The following PAXBP1 variants were observed in gnomAD, a reference collection of about 807,000 sequenced individuals.
PAXBP1 encodes PAX3- and PAX7-binding protein 1.
PAXBP1 carries 44 observed loss-of-function variants against 119.9 expected under a neutral mutation model. The observed-to-expected ratio is 0.37, with a 90% CI of 0.29 to 0.47. The LOEUF is 0.47. Ranked by LOEUF, PAXBP1 falls within the 20% of genes least tolerant of loss-of-function variation. The pLI, the probability that PAXBP1 is intolerant of heterozygous loss-of-function variation, is 0.99. For synonymous variants in PAXBP1, 393 were observed against 406.6 expected (o/e 0.97, Z 0.40); for missense variants, 898 against 1,134.1 (o/e 0.79, Z 2.99).
chr21:32,758,736 A>T (rs2044085423), intron 7 of PAXBP1, among the ~76,000 whole-genome samples: 2 of 152,060 alleles, frequency 1.3e-5, no homozygotes, highest in South Asian at 4.1e-4. Flanking sequence ...ATAAGTTTAA[A>T]CCTGAACCAG....
At chr21:32,767,145 C>G (rs528139192) in intron 2 of PAXBP1, among the ~76,000 whole-genome samples, 1 of 152,294 alleles carries the variant, frequency 6.6e-6, no homozygotes, top group African/African-American at 2.4e-5. Flanking sequence ...ACTACTTCCA[C>G]TCAAATTCAA....
intron 7 of PAXBP1, chr21:32,756,694 A>G (rs536102543): frequency 4.3e-6 from 1 of 235,146 alleles, no homozygotes; most frequent in African/African-American, 2.4e-5. Flanking sequence ...AGTACTAAAG[A>G]TAAATGAGCC....
At chr21:32,763,845 G>A (rs554345210) in intron 3 of PAXBP1, among the ~76,000 whole-genome samples, 1 of 152,170 alleles carries the variant, frequency 6.6e-6, no homozygotes, top group South Asian at 2.1e-4. Flanking sequence ...AATCAGCTGG[G>A]TATGGTGGTG....
chr21:32,768,017 T>C (rs2044272378), intron 2 of PAXBP1, among the ~76,000 whole-genome samples: 1 of 152,222 alleles, frequency 6.6e-6, no homozygotes, highest in South Asian at 2.1e-4. Flanking sequence ...TATTCCTATA[T>C]ATAATTATTC....
At chr21:32,760,119 G>A (rs1231803117) in intron 5 of PAXBP1, 125 bp from the exon 6 acceptor site, 1 of 695,578 alleles carries the variant, frequency 1.4e-6, no homozygotes, top group Non-Finnish European at 2.4e-6. Context: ...TGTAATAATT[G>A]CAGAATTCTT....
chr21:32,760,481 A>C (rs1473043812), intron 5 of PAXBP1, among the ~76,000 whole-genome samples: 1 of 152,232 alleles, frequency 6.6e-6, no homozygotes, highest in Non-Finnish European at 1.5e-5. Context: ...ACTTTTATAA[A>C]ACAAATTGTT....
At position 32,759,869 on chromosome 21, in the gene PAXBP1, A is replaced by G. The variant is rs910177844; in HGVS notation, c.1101T>C (p.Ser367=). Residue 367 remains serine (S), a synonymous_variant, in exon 6 of 18, where the codon TCT becomes TCC. Coordinates refer to ENST00000331923, the MANE Select transcript of PAXBP1 (RefSeq NM_016631.4). ...AAGGGACTGTATTATCTGTTTTTTG[A>G]GATTTGGCATCTGATGATCCATAGG... The part of the protein sequence containing the change: ...YTAYGSSDAK[S]QKTDNTVPFK... The G allele has an allele frequency of 2.5e-6, 4 of 1,613,964 alleles. No individual in the cohort carries two copies. In the Admixed American group the frequency reaches 5.0e-5, roughly 20 times the overall value.
At position 32,771,556 on chromosome 21, in the gene PAXBP1, G is replaced by T; in HGVS notation, c.113C>A (p.Thr38Lys). 7.1e-7 allele frequency: 1 copy of T among 1,414,574 alleles called. No individual in the cohort carries two copies. The highest frequency in any genetic ancestry group is 9.2e-7 in the Non-Finnish European group (1 of 1,087,174). 87.6% of individuals were successfully genotyped at this position (1,414,574 alleles called of 1,614,324 possible). Reference sequence around the variant, plus strand: ...GCCACCGGGGCCCGCCTCTTCGCCCGTGCCCGGCGGCGGCAACAACGGCGG... The same window carrying T: ...GCCACCGGGGCCCGCCTCTTCGCCCTTGCCCGGCGGCGGCAACAACGGCGG... ...EPPPLLPPPGTGEEAGPGGGD... is the reference protein window; with the variant it reads ...EPPPLLPPPGKGEEAGPGGGD... The change falls in exon 1 of 18, where the codon ACG (threonine) becomes AAG (lysine). Residue 38 changes from threonine to lysine, a missense_variant. Transcript: ENST00000331923.
At position 32,762,082 on chromosome 21, in the gene PAXBP1, T is replaced by C. The variant is rs1457645024; in HGVS notation, c.871+14A>G. 1 of 1,613,694 alleles carries C rather than the reference T, an allele frequency of 6.2e-7. No homozygotes were observed. The highest frequency in any genetic ancestry group is 1.3e-5 in the African/African-American group (1 of 74,868). The stretch of plus-strand genomic sequence containing the variant: ...GCAATGCAATAGGCTTACTATTCAA[T>C]TAAATCAAGTTACCTATTTCCTCAG... On this transcript the variant is annotated intron_variant, in intron 4 of 17. Coordinates refer to ENST00000331923, the MANE Select transcript of PAXBP1 (RefSeq NM_016631.4).
chr21:32,743,466 A>T (rs1008228551), intron 14 of PAXBP1, 152 bp from the exon 15 acceptor site: 6 of 702,598 alleles, frequency 8.5e-6, no homozygotes, highest in African/African-American at 7.3e-5. Context: ...GTATGTTAAA[A>T]AGGCAATGGA....
At chr21:32,760,902 C>CGTGT (rs1175775718) in intron 5 of PAXBP1, among the ~76,000 whole-genome samples, 157 bp downstream of exon 5, 25 of 127,698 alleles carry the variant, frequency 2.0e-4, no homozygotes, top group African/African-American at 4.7e-4. Flanking sequence ...TGCGTGCGTG[C>CGTGT]GTGTGTGTGT....
Position 32,764,427 on chromosome 21 carries a change from T to A in PAXBP1, c.570A>T (p.Glu190Asp). ...SEHGEDEMDM[E>D]SEKEEEKPKT... Reference sequence around the variant, plus strand: ...TTGGCTTTTCTTCCTCTTTTTCACTTTCCATATCCATTTCATCTTCACCAT... The same window carrying A: ...TTGGCTTTTCTTCCTCTTTTTCACTATCCATATCCATTTCATCTTCACCAT... Residue 190 changes from glutamate (E) to aspartate (D), a missense_variant, in exon 3 of 18, where the codon GAA (glutamate) becomes GAT (aspartate). Glu to Asp is a conservative substitution (Grantham distance 45, BLOSUM62 2). Around this residue, in one of 2 missense-constraint regions of PAXBP1, gnomAD observed 299 missense variants for 281.4 expected, o/e 1.06. Coordinates refer to ENST00000331923, the MANE Select transcript of PAXBP1 (RefSeq NM_016631.4). 2 of 1,613,892 alleles carry A rather than the reference T, an allele frequency of 1.2e-6. No individual in the cohort carries two copies. Among genetic ancestry groups the A allele is most frequent in the Non-Finnish European group, 1.7e-6 (2 of 1,179,894 alleles).
At position 32,750,926 on chromosome 21, in the gene PAXBP1, G is replaced by C; in HGVS notation, c.1714C>G (p.Leu572Val). ...ETSTDITNFN[L>V]EKDRISKESG... ...CAAATAAATGTCTAACCTTTTTCCA[G>C]ATTGAAATTAGTAATATCTGTAGAA... The change falls in exon 10 of 18, where the codon CTG (leucine) becomes GTG (valine). Residue 572 changes from leucine to valine, a missense_variant. By Grantham distance (32) the Leu-to-Val change is conservative. Coordinates refer to ENST00000331923, the MANE Select transcript of PAXBP1 (RefSeq NM_016631.4). The C allele has an allele frequency of 6.2e-7, 1 of 1,608,080 alleles. No individual in the cohort carries two copies. The highest frequency in any genetic ancestry group is 8.5e-7 in the Non-Finnish European group (1 of 1,177,044).
chr21:32,761,706 G>A (rs1219320248), intron 4 of PAXBP1, among the ~76,000 whole-genome samples: 1 of 151,242 alleles, frequency 6.6e-6, no homozygotes, highest in Non-Finnish European at 1.5e-5. Context: ...CAGCACTTTG[G>A]GAGGCTGAGG....
chr21:32,737,079 T>A (rs564083427), intron 17 of PAXBP1, among the ~76,000 whole-genome samples, 175 bp downstream of exon 17: 1 of 152,138 alleles, frequency 6.6e-6, no homozygotes, highest in Non-Finnish European at 1.5e-5. Context: ...AATAACATAC[T>A]GAAAAAAAGT....
intron 11 of PAXBP1, among the ~76,000 whole-genome samples, chr21:32,747,083 G>C (rs925532608): frequency 1.3e-5 from 2 of 151,640 alleles, no homozygotes; most frequent in African/African-American, 2.4e-5. Context: ...GCCTGTTGGG[G>C]GGTGGGGGTG....
At chr21:32,745,935 C>T (rs979101551) in intron 11 of PAXBP1, among the ~76,000 whole-genome samples, 2 of 152,144 alleles carry the variant, frequency 1.3e-5, no homozygotes, top group South Asian at 4.1e-4. Context: ...ACCAATGGAA[C>T]AGAATAGAGA....
chr21:32,769,679 C>G, intron 2 of PAXBP1, 135 bp downstream of exon 2: 1 of 755,182 alleles, frequency 1.3e-6, no homozygotes, highest in Non-Finnish European at 2.1e-6. Flanking sequence ...AATAACAGAA[C>G]TGTACTGCTA....
chr21:32,738,202 C>T lies in PAXBP1; in HGVS notation c.2452G>A (p.Gly818Arg). 6.3e-7 allele frequency: 1 copy of T among 1,595,978 alleles called. No individual in the cohort carries two copies. Among genetic ancestry groups the T allele is most frequent in the Non-Finnish European group, 8.5e-7 (1 of 1,174,914 alleles). ...ILMAFQNSEY[G>R]DDSIKKAQNV... is the part of the protein sequence containing the mutation. The stretch of plus-strand genomic sequence containing the variant: ...TGGGCTTTTTTGATGCTGTCATCTC[C>T]ATATTCTGAATTCTGAAAAGCCATG... The change falls in exon 16 of 18, where the codon GGA becomes AGA. Residue 818 changes from glycine to arginine, a missense_variant. This residue lies in a region of PAXBP1 where 599 missense variants were observed against 852.7 expected (regional missense o/e 0.70). Coordinates refer to ENST00000331923, the MANE Select transcript of PAXBP1 (RefSeq NM_016631.4).
Sources: gnomAD v4.1 joint callset for allele counts (sites outside exome capture counted in the v4.1 genomes callset) on GRCh38, gnomAD v4.1.1 for gene constraint, gnomAD v4.1.1 regional missense constraint, MANE v1.5 for transcripts, NCBI Gene and HGNC (gene_info 2026-07-23, HGNC 2026-07-21) for gene names.